The following FRMD3 variants were observed in gnomAD, a reference collection of about 807,000 sequenced individuals.
FRMD3 encodes the protein FERM domain containing 3, also known as FERM domain-containing protein 3.
FRMD3 carries 33 observed loss-of-function variants against 70.2 expected under a neutral mutation model. The observed-to-expected ratio is 0.47, with a 90% CI of 0.36 to 0.63. The LOEUF is 0.63. Ranked by LOEUF, FRMD3 falls within the 20% of genes least tolerant of loss-of-function variation. The pLI is 0.00. For synonymous variants in FRMD3, 279 were observed against 255.9 expected, an observed-to-expected ratio of 1.09 and a Z score of -0.86; for missense variants, 632 against 711.4, an observed-to-expected ratio of 0.89 and a Z score of 1.27.
chr9:83,334,131 A>G (rs1823495475), intron 6 of FRMD3, among the ~76,000 whole-genome samples: 1 of 152,172 alleles, frequency 6.6e-6, no homozygotes, highest in African/African-American at 2.4e-5. Context: ...GCTCCCCGGA[A>G]CACTGCTCTG....
At chr9:83,506,646 T>C (rs1225181869) in intron 1 of FRMD3, among the ~76,000 whole-genome samples, 1 of 152,200 alleles carries the variant, frequency 6.6e-6, no homozygotes, top group Non-Finnish European at 1.5e-5. Flanking sequence ...GCCTAGGACA[T>C]TACGCTACAC....
intron 4 of FRMD3, among the ~76,000 whole-genome samples, chr9:83,344,391 T>C (rs1336049335): frequency 1.3e-5 from 2 of 152,206 alleles, no homozygotes; most frequent in East Asian, 1.9e-4. Context: ...GATTGAGCCA[T>C]GGGATACCCA....
At chr9:83,322,931 T>C (rs1835857436) in intron 6 of FRMD3, among the ~76,000 whole-genome samples, 1 of 152,238 alleles carries the variant, frequency 6.6e-6, no homozygotes, top group Admixed American at 6.5e-5. Flanking sequence ...CATACTCCTA[T>C]ATCTAGTCAG....
chr9:83,412,192 C>T (rs940395507), intron 1 of FRMD3, among the ~76,000 whole-genome samples: 23 of 152,296 alleles, frequency 1.5e-4, no homozygotes, highest in African/African-American at 5.5e-4. Context: ...AAAATAATTT[C>T]TGCTATTCAT....
intron 1 of FRMD3, among the ~76,000 whole-genome samples, chr9:83,479,055 A>ATTTTTAAATATAT: frequency 6.6e-6 from 1 of 152,118 alleles, no homozygotes; most frequent in Admixed American, 6.5e-5. Context: ...TTATATAAAA[A>ATTTTTAAATATAT]ACTATACATC....
chr9:83,377,081 G>A (rs1298147440), intron 2 of FRMD3, among the ~76,000 whole-genome samples: 2 of 152,180 alleles, frequency 1.3e-5, no homozygotes, highest in East Asian at 1.9e-4. Flanking sequence ...AGATGAAACT[G>A]TTAGGTATTC....
rs113790258 is a variant in FRMD3 at position 83,504,385 on chromosome 9, T to C, written c.147+33700A>G. ...CTCTTTAAAAACACAAGACAGACCA[T>C]GCCATTCTCTACCAAAGCTTTCCAA... On this transcript the variant is annotated intron_variant, in intron 1 of 13. Transcript: ENST00000304195. Among the ~76,000 whole-genome samples, 378 of 152,278 alleles carry C rather than the reference T, an allele frequency of 2.5e-3. 1 individual carries two copies. The highest frequency in any genetic ancestry group is 8.4e-3 in the African/African-American group (351 of 41,556).
At chr9:83,576,178 C>T in the FRMD3 span, among the ~76,000 whole-genome samples, 5 of 152,120 alleles carry the variant, frequency 3.3e-5, no homozygotes, top group Admixed American at 2.6e-4. Flanking sequence ...CAACAACATA[C>T]ACAAGGATTA....
At chr9:83,447,522 C>T (rs761692964) in intron 1 of FRMD3, among the ~76,000 whole-genome samples, 2 of 152,154 alleles carry the variant, frequency 1.3e-5, no homozygotes, top group Admixed American at 1.3e-4. Context: ...GCCGTAGGCC[C>T]GAGGCACTGT....
intron 10 of FRMD3, among the ~76,000 whole-genome samples, chr9:83,304,071 A>C (rs1237124738): frequency 6.6e-6 from 1 of 152,196 alleles, no homozygotes; most frequent in Non-Finnish European, 1.5e-5. Context: ...TCAGTTCTCC[A>C]TTCCTTTCTA....
At chr9:83,356,635 G>A (rs1434603480) in intron 3 of FRMD3, among the ~76,000 whole-genome samples, 1 of 151,546 alleles carries the variant, frequency 6.6e-6, no homozygotes, top group Non-Finnish European at 1.5e-5. Flanking sequence ...AAAGAATCAT[G>A]GGGAAATCAG....
At chr9:83,557,813 A>T in the FRMD3 span, among the ~76,000 whole-genome samples, 2 of 152,220 alleles carry the variant, frequency 1.3e-5, no homozygotes, top group African/African-American at 4.8e-5. Flanking sequence ...ATTTGTTTGC[A>T]ATGTCAGGAA....
chr9:83,441,282 T>C lies in FRMD3; in HGVS notation c.148-51574A>G, dbSNP rs369339691. ...GTTTTTGTTATTTCAAAATATCACCTTTGAAAAGAACGTGGGAATGCCTGA... is the reference window on the plus strand; with the variant it reads ...GTTTTTGTTATTTCAAAATATCACCCTTGAAAAGAACGTGGGAATGCCTGA... On this transcript the variant is annotated intron_variant, in intron 1 of 13. Transcript: ENST00000304195. Among the ~76,000 whole-genome samples the C allele has an allele frequency of 1.8e-4, 28 of 152,274 alleles. No individual in the cohort carries two copies. The South Asian group carries it at 5.8e-3, about 32-fold the overall frequency.
the FRMD3 span, among the ~76,000 whole-genome samples, chr9:83,548,510 A>C: frequency 1.5e-4 from 23 of 152,338 alleles, no homozygotes; most frequent in South Asian, 4.8e-3. Context: ...ACTGTATAAC[A>C]TACTAGGAAA....
Position 83,245,592 on chromosome 9 carries a change from G to C in FRMD3, c.*2326C>G. ...AAATCTGCATCGTTGGATTACATGT[G>C]ATATTTATACTATCATATTTTTTAA... On this transcript the variant is annotated 3_prime_UTR_variant, in exon 14 of 14. Coordinates refer to ENST00000304195, the MANE Select transcript of FRMD3 (RefSeq NM_174938.6). 1.2e-6 allele frequency: 1 copy of C among 825,326 alleles called. No homozygotes were observed. Among genetic ancestry groups the C allele is most frequent in the Non-Finnish European group, 1.5e-6 (1 of 684,044 alleles). The allele number at this position is 825,326 out of a possible 1,614,324, so 51.1% of individuals were successfully genotyped here.
intron 3 of FRMD3, 35 bp downstream of exon 3, chr9:83,372,878 T>C (rs374406266): frequency 7.6e-6 from 12 of 1,576,314 alleles, no homozygotes; most frequent in African/African-American, 6.8e-5. Flanking sequence ...TTTGGACACA[T>C]TGTAGCAAAA....
At chr9:83,364,774 G>T (rs1824735061) in intron 3 of FRMD3, among the ~76,000 whole-genome samples, 1 of 152,136 alleles carries the variant, frequency 6.6e-6, no homozygotes, top group Admixed American at 6.5e-5. Context: ...AGTACATCTA[G>T]AATTAATCCT....
chr9:83,573,763 TC>T, the FRMD3 span, among the ~76,000 whole-genome samples: 1 of 147,864 alleles, frequency 6.8e-6, no homozygotes, highest in Non-Finnish European at 1.5e-5. Flanking sequence ...TCTCTCTCTC[TC>T]TCCTCCCCCT....
chr9:83,573,660 T>G, the FRMD3 span, among the ~76,000 whole-genome samples: 126 of 152,088 alleles, frequency 8.3e-4, 1 homozygote, highest in African/African-American at 2.6e-3. Context: ...CTTCCTCTCC[T>G]CCTCAGTCCA....
Sources: gnomAD v4.1 joint callset for allele counts (sites outside exome capture counted in the v4.1 genomes callset) on GRCh38, gnomAD v4.1.1 for gene constraint, MANE v1.5 for transcripts, NCBI Gene and HGNC (gene_info 2026-07-23, HGNC 2026-07-21) for gene names.